Variants in DNAH8 observed in about 807,000 individuals in gnomAD.
The protein encoded by DNAH8 is dynein axonemal heavy chain 8, also known as axonemal beta dynein heavy chain 8.
DNAH8 carries 382 observed loss-of-function variants against 562.1 expected under a neutral mutation model. The observed-to-expected ratio is 0.68, with a 90% CI of 0.63 to 0.74. The LOEUF (loss-of-function observed/expected upper bound fraction) is 0.74. DNAH8 is among the 30% of genes least tolerant of loss of function. DNAH8 has a pLI of 0.00. For missense variants in DNAH8, 5,203 were observed against 5,620.4 expected, an observed-to-expected ratio of 0.93 and a Z score of 2.37; for synonymous variants, 1,881 against 1,919.4, an observed-to-expected ratio of 0.98 and a Z score of 0.52.
chr6:38,874,551 A>G (rs1205521256), intron 52 of DNAH8, among the ~76,000 whole-genome samples: 1 of 149,754 alleles, frequency 6.7e-6, no homozygotes, highest in Non-Finnish European at 1.5e-5. Flanking sequence ...TAGATTTTTT[A>G]TAGAGACAGG....
chr6:38,736,239 T>A (rs1183927412), intron 5 of DNAH8, among the ~76,000 whole-genome samples: 3 of 152,242 alleles, frequency 2.0e-5, no homozygotes, highest in Non-Finnish European at 4.4e-5. Context: ...TCCAACGTAG[T>A]TATATTCTAG....
intron 38 of DNAH8, among the ~76,000 whole-genome samples, chr6:38,851,078 T>C (rs1775703264): frequency 6.6e-6 from 1 of 152,204 alleles, no homozygotes; most frequent in Non-Finnish European, 1.5e-5. Flanking sequence ...TTATTTTATT[T>C]TATTTTTACT....
chr6:38,790,748 G>A (rs1338750258), intron 20 of DNAH8, among the ~76,000 whole-genome samples: 7 of 151,818 alleles, frequency 4.6e-5, no homozygotes, highest in Admixed American at 3.3e-4. Context: ...GTTTGAACCA[G>A]GGAAGCGGAG....
chr6:39,010,805 A>G (rs4714206), intron 89 of DNAH8, among the ~76,000 whole-genome samples: 35,525 of 143,020 alleles, frequency 0.25, 4,450 homozygotes, highest in Admixed American at 0.34. Flanking sequence ...GTGTACGCAC[A>G]CACACACACA....
At chr6:38,929,479 C>T in intron 74 of DNAH8, 32 bp from the exon 75 acceptor site, 1 of 1,573,172 alleles carries the variant, frequency 6.4e-7, no homozygotes, top group South Asian at 1.2e-5. Context: ...TTCTTTGTAA[C>T]ACAGATAGAC....
At chr6:38,972,810 A>G (rs938124274) in intron 83 of DNAH8, among the ~76,000 whole-genome samples, 2 of 152,196 alleles carry the variant, frequency 1.3e-5, no homozygotes, top group African/African-American at 4.8e-5. Context: ...ACCAGAAAGT[A>G]AGTGGGTCCA....
chr6:38,856,144 A>G (rs752368906), intron 41 of DNAH8, among the ~76,000 whole-genome samples: 22 of 151,944 alleles, frequency 1.4e-4, no homozygotes, highest in Admixed American at 4.6e-4. Context: ...AGTATCCTCC[A>G]TTCTGCTTTC....
In DNAH8 at chr6:38,990,126, CTAG is replaced by C; in HGVS notation, c.13169_13171del (p.Leu4390_Asp4391delinsHis). 1 of 1,611,798 alleles carries C rather than the reference CTAG, an allele frequency of 6.2e-7. No homozygotes were observed. The highest frequency in any genetic ancestry group is 8.5e-7 in the Non-Finnish European group (1 of 1,177,950). Reference sequence around the variant, plus strand: ...TGAATACATCCAGTCACTGCCATCCCTAGATAACCCTGAAGTCTTTGGGCTTCA... The same window carrying C: ...TGAATACATCCAGTCACTGCCATCCCATAACCCTGAAGTCTTTGGGCTTCA... On this transcript the variant is annotated inframe_deletion, in exon 88 of 93. Transcript: ENST00000327475.
rs58784448 is a variant in DNAH8 at position 38,772,971 on chromosome 6, C to CTTTTT, written c.1764+2435_1764+2439dup. ...ATACCACCATGCCTAGCTAATTAAA[C>CTTTTT]TTTTTTTTTTTTTTTTTTTTTTTTT... is the stretch of plus-strand genomic sequence containing the variant. On this transcript the variant is annotated intron_variant, in intron 12 of 92. Coordinates refer to ENST00000327475, the MANE Select transcript of DNAH8 (RefSeq NM_001206927.2). Among the ~76,000 whole-genome samples the CTTTTT allele has an allele frequency of 7.4e-4, 65 of 88,076 alleles. 4 individuals are homozygous for CTTTTT. Among genetic ancestry groups the CTTTTT allele is most frequent in the African/African-American group, 2.9e-3 (56 of 19,432 alleles). The allele number at this position is 88,076 out of a possible 152,430, so 57.8% of individuals were successfully genotyped here. A position where few individuals can be genotyped will look rare whatever the true frequency, so the allele number is the denominator to read the frequency against.
rs1410811556 is a variant in DNAH8, at chr6:38,850,398, C to G, written c.5347C>G (p.Gln1783Glu). 1.2e-6 allele frequency: 2 copies of G among 1,612,490 alleles called. No individual in the cohort carries two copies. Among genetic ancestry groups the G allele is most frequent in the Non-Finnish European group, 1.7e-6 (2 of 1,179,328 alleles). The stretch of plus-strand genomic sequence containing the variant: ...TTTACATGAGCAGTTGGAAGTATGT[C>G]AGAAGTCACTCACAGGGTAAGAGTT... ...PHLHEQLEVC[Q>E]KSLTGYLEKK... is the part of the protein sequence containing the mutation. The change falls in exon 38 of 93, where the codon CAG becomes GAG. Residue 1783 changes from glutamine (Q) to glutamate (E), a missense_variant. Transcript: ENST00000327475.
intron 82 of DNAH8, among the ~76,000 whole-genome samples, chr6:38,964,686 G>A (rs1034020237): frequency 1.3e-5 from 2 of 151,942 alleles, no homozygotes; most frequent in Admixed American, 6.6e-5. Flanking sequence ...ATGGAACACC[G>A]TGCTGCCATT....
At chr6:38,908,315 A>T (rs1780633525) in intron 64 of DNAH8, among the ~76,000 whole-genome samples, 195 bp downstream of exon 64, 1 of 152,214 alleles carries the variant, frequency 6.6e-6, no homozygotes, top group Non-Finnish European at 1.5e-5. Flanking sequence ...TCATATTATT[A>T]AAAAATACTG....
chr6:38,857,377 A>G lies in DNAH8; in HGVS notation c.5734-141A>G, dbSNP rs141264392. 1.2e-3 allele frequency: 746 copies of G among 620,592 alleles called. 3 individuals carry two copies. In the African/African-American group the frequency reaches 0.012, roughly 10 times the overall value. 38.4% of individuals were successfully genotyped at this position (620,592 alleles called of 1,614,324 possible). ...TTAAATATTAACGGTTAAAACTTTA[A>G]CTGTTTCCCTCCTTTGGGAGTGAAG... On this transcript the variant is annotated intron_variant, in intron 41 of 92. Transcript: ENST00000327475.
chr6:38,723,928 G>A (rs1013897033), intron 3 of DNAH8, among the ~76,000 whole-genome samples: 4 of 151,478 alleles, frequency 2.6e-5, no homozygotes, highest in African/African-American at 9.7e-5. Flanking sequence ...AGAAGGTTTA[G>A]TTTATATAAT....
chr6:38,996,269 T>C (rs1311021462), intron 88 of DNAH8, among the ~76,000 whole-genome samples: 1 of 152,112 alleles, frequency 6.6e-6, no homozygotes, highest in Non-Finnish European at 1.5e-5. Flanking sequence ...GCCTATGTTC[T>C]ACTCACATTT....
At position 38,742,184 on chromosome 6, in the gene DNAH8, C is replaced by T. The variant is rs1698992; in HGVS notation, c.1293+297C>T. 0.25 allele frequency among the ~76,000 whole-genome samples: 37,769 copies of T among 152,056 alleles called. 5,736 individuals are homozygous for T. Among genetic ancestry groups the T allele is most frequent in the Non-Finnish European group, 0.35 (23,528 of 67,976 alleles). On this transcript the variant is annotated intron_variant, in intron 8 of 92. Coordinates refer to ENST00000327475, the MANE Select transcript of DNAH8 (RefSeq NM_001206927.2). Reference sequence around the variant, plus strand: ...ATCAATGAAGAAATCAATATAGGCTCACTGAGGTAAACAACTGCATATAGA... The same window carrying T: ...ATCAATGAAGAAATCAATATAGGCTTACTGAGGTAAACAACTGCATATAGA...
chr6:38,989,624 A>G (rs1220545708), intron 87 of DNAH8, among the ~76,000 whole-genome samples: 1 of 152,074 alleles, frequency 6.6e-6, no homozygotes, highest in Non-Finnish European at 1.5e-5. Flanking sequence ...CATGTCGGGG[A>G]GAAGTGGGGT....
intron 13 of DNAH8, among the ~76,000 whole-genome samples, chr6:38,777,545 T>C (rs958348803): frequency 2.0e-5 from 3 of 152,220 alleles, no homozygotes; most frequent in African/African-American, 7.2e-5. Context: ...TTCAGTTCCA[T>C]CTTTTGGGTA....
At chr6:38,864,537 G>A (rs548707611) in intron 45 of DNAH8, among the ~76,000 whole-genome samples, 18 of 152,216 alleles carry the variant, frequency 1.2e-4, no homozygotes, top group Non-Finnish European at 2.1e-4. Flanking sequence ...TCGGCCTGAC[G>A]AGGTACCTAC....
Sources: gnomAD v4.1 joint callset for allele counts (sites outside exome capture counted in the v4.1 genomes callset) on GRCh38, gnomAD v4.1.1 for gene constraint, MANE v1.5 for transcripts, NCBI Gene and HGNC (gene_info 2026-07-23, HGNC 2026-07-21) for gene names.